R3HDM4: variants seen among roughly 807,000 people sequenced by gnomAD.
R3HDM4 encodes R3H domain-containing protein 4.
In R3HDM4, 30 loss-of-function variants were observed where a neutral mutation model predicts 31.3. The ratio of observed to expected loss-of-function variants is 0.96; its 90% CI spans 0.72 to 1.30. The LOEUF (loss-of-function observed/expected upper bound fraction) is 1.30, where lower values mean the gene tolerates loss of function less well. Among genes scored for constraint, R3HDM4 ranks in the 50% most tolerant of loss-of-function variants. R3HDM4 has a pLI of 0.00. For missense variants in R3HDM4, 444 were observed against 366.1 expected, an observed-to-expected ratio of 1.21 and a Z score of -1.74; for synonymous variants, 196 against 156.6, an observed-to-expected ratio of 1.25 and a Z score of -1.88.
rs748992610 is a variant in R3HDM4 at position 899,204 on chromosome 19, G to A, written c.703+236C>T. 2.6e-5 allele frequency among the ~76,000 whole-genome samples: 4 copies of A among 152,092 alleles called. No individual in the cohort carries two copies. The highest frequency in any genetic ancestry group is 9.7e-5 in the African/African-American group (4 of 41,396). ...AAGATGCAGATGGAGGAGTGTCTGT[G>A]TCCAGCAGCCTGGTTGTGTCTGCGG... On this transcript the variant is annotated intron_variant, in intron 7 of 7. Coordinates refer to ENST00000361574, the MANE Select transcript of R3HDM4 (RefSeq NM_138774.4). The surrounding 1 kb of genome is among the most constrained non-coding windows in gnomAD (Gnocchi z 6.8).
intron 3 of R3HDM4, 172 bp from the exon 4 acceptor site, chr19:901,124 GGGGAACC>G (rs988364114): frequency 1.6e-5 from 14 of 870,306 alleles, no homozygotes; most frequent in Non-Finnish European, 2.2e-5. Flanking sequence ...GCAGGGAAGC[GGGGAACC>G]GGGGTGGGCC....
Position 901,988 on chromosome 19 carries a change from GC to G in R3HDM4, c.213del (p.Gln71HisfsTer10). The G allele has an allele frequency of 6.2e-7, 1 of 1,613,696 alleles. No homozygotes were observed. The highest frequency in any genetic ancestry group is 1.3e-5 in the African/African-American group (1 of 75,054). On this transcript the variant is annotated frameshift_variant, in exon 2 of 8. Transcript: ENST00000361574. LOFTEE classifies it high-confidence loss of function. ...VPKAKGRKSLQRLENTQYLLT... is the reference protein window; with the variant it reads ...VPKAKGRKSLXRLENTQYLLT... ...GACCCCTGCTCACTGTTCTCCAGGC[GC>G]TGGAGGCTCTTCCGCCCCTTGGCCT...
At chr19:900,168 G>T in intron 4 of R3HDM4, 22 bp from the exon 5 acceptor site, 1 of 1,540,526 alleles carries the variant, frequency 6.5e-7, no homozygotes, top group Non-Finnish European at 8.8e-7. Flanking sequence ...GGGGAACAAG[G>T]GGCAGTCTTG....
chr19:910,196 A>C (rs2145303382), intron 1 of R3HDM4, among the ~76,000 whole-genome samples: 1 of 152,156 alleles, frequency 6.6e-6, no homozygotes, highest in African/African-American at 2.4e-5. Context: ...GCGGTGGCAC[A>C]TGCCTGTAAT....
intron 1 of R3HDM4, among the ~76,000 whole-genome samples, chr19:906,198 A>C (rs1431451136): frequency 1.1e-5 from 1 of 91,094 alleles, no homozygotes; most frequent in South Asian, 3.4e-4. Flanking sequence ...CTAATTTTTT[A>C]TTTATTTTTA....
chr19:899,336 C>A lies in R3HDM4; in HGVS notation c.703+104G>T. 2 of 1,213,310 alleles carry A rather than the reference C, an allele frequency of 1.6e-6. No homozygotes were observed. The highest frequency in any genetic ancestry group is 2.4e-6 in the Non-Finnish European group (2 of 829,878). The allele number at this position is 1,213,310 out of a possible 1,614,324, so 75.2% of individuals were successfully genotyped here. A position where few individuals can be genotyped will look rare whatever the true frequency, so the allele number is the denominator to read the frequency against. On this transcript the variant is annotated intron_variant, in intron 7 of 7. Coordinates refer to ENST00000361574, the MANE Select transcript of R3HDM4 (RefSeq NM_138774.4). This position sits in a 1 kb window ranked among gnomAD's most constrained non-coding sequence, Gnocchi z 6.8. ...GTCCCCACTCCAGCCCCCTTCCCCA[C>A]CTCCCCACCAAGCCCCACTCTGAGG...
rs774894246 is a variant in R3HDM4, at chr19:897,568, C to T, written c.704-28G>A. ...GCAGACGGGACCAGCGGGGCAAGAA[C>T]GGGAGGAATTTGGGAGCCGCGGCAG... On this transcript the variant is annotated intron_variant, in intron 7 of 7. Coordinates refer to ENST00000361574, the MANE Select transcript of R3HDM4 (RefSeq NM_138774.4). 18 of 1,577,216 alleles carry T rather than the reference C, an allele frequency of 1.1e-5. No homozygotes were observed. In the East Asian group the frequency reaches 1.8e-4, roughly 16 times the overall value.
chr19:911,882 C>G (rs889101431), intron 1 of R3HDM4, among the ~76,000 whole-genome samples: 1 of 151,870 alleles, frequency 6.6e-6, no homozygotes, highest in African/African-American at 2.4e-5. Flanking sequence ...GAGCAAGGAG[C>G]CGGGTCTGCC....
intron 2 of R3HDM4, 82 bp downstream of exon 2, chr19:901,894 A>C: frequency 6.6e-7 from 1 of 1,515,002 alleles, no homozygotes; most frequent in Admixed American, 1.7e-5. Flanking sequence ...AGCTCATGGG[A>C]GGGGTAACAG....
rs2036794855 is a variant in R3HDM4 at position 899,538 on chromosome 19, TGGGGTGTCCGCCCA to T, written c.647+49_648-44del. The T allele has an allele frequency of 1.2e-6, 2 of 1,612,592 alleles. No individual in the cohort carries two copies. Among genetic ancestry groups the T allele is most frequent in the African/African-American group, 1.3e-5 (1 of 75,002 alleles). On this transcript the variant is annotated intron_variant, in intron 6 of 7. Transcript: ENST00000361574. The surrounding 1 kb of genome is among the most constrained non-coding windows in gnomAD (Gnocchi z 6.8). ...TGAGCGCCGTGCAGGGGCTGCAGCG[TGGGGTGTCCGCCCA>T]CCTGGCCGCAGCCTCGGAGGGTCCG...
intron 1 of R3HDM4, among the ~76,000 whole-genome samples, chr19:912,633 C>A (rs1275344588): frequency 1.6e-5 from 1 of 64,274 alleles, no homozygotes; most frequent in African/African-American, 6.6e-5. Context: ...GGGCGCGGAC[C>A]GGAGAGTGGG....
Position 899,410 on chromosome 19 carries a change from C to A in R3HDM4, c.703+30G>T, listed in dbSNP as rs370027345. On this transcript the variant is annotated intron_variant, in intron 7 of 7. Transcript: ENST00000361574. The surrounding 1 kb of genome is among the most constrained non-coding windows in gnomAD (Gnocchi z 6.8). ...CACTTTCCCAGGTTGAGCTGGCCAA[C>A]TTGGGGTCTTGGGGGCCACCGGCAC... 2.1e-5 allele frequency: 34 copies of A among 1,612,610 alleles called. No homozygotes were observed. In the African/African-American group the frequency reaches 4.1e-4, roughly 20 times the overall value.
In R3HDM4 at chr19:900,053, C is replaced by A; in HGVS notation, c.561+8G>T. 6.2e-7 allele frequency: 1 copy of A among 1,611,706 alleles called. No individual in the cohort carries two copies. The highest frequency in any genetic ancestry group is 8.5e-7 in the Non-Finnish European group (1 of 1,179,144). The stretch of plus-strand genomic sequence containing the variant: ...TAGAAAAGGGAGGCCCGGCAATCCC[C>A]CACTCACCATGGGGATGCGGCTGCG... On this transcript the variant is annotated splice_region_variant and intron_variant, in intron 5 of 7. Coordinates refer to ENST00000361574, the MANE Select transcript of R3HDM4 (RefSeq NM_138774.4).
intron 1 of R3HDM4, among the ~76,000 whole-genome samples, chr19:905,516 A>C (rs1013984012): frequency 2.5e-4 from 38 of 149,924 alleles, no homozygotes; most frequent in African/African-American, 8.4e-4. Context: ...AAAAAAAAAA[A>C]AAAAAACAAA....
chr19:912,458 G>T (rs1191698224), intron 1 of R3HDM4, among the ~76,000 whole-genome samples: 1 of 116,504 alleles, frequency 8.6e-6, no homozygotes, highest in African/African-American at 3.5e-5. Flanking sequence ...GGAGTTGGGG[G>T]GCTGACCCGA....
In R3HDM4 at chr19:912,538, G is replaced by A. The variant is rs350155; in HGVS notation, c.71+549C>T. 6.5e-5 allele frequency among the ~76,000 whole-genome samples: 5 copies of A among 77,382 alleles called. 1 individual carries two copies. In the South Asian group the frequency reaches 2.8e-3, roughly 43 times the overall value. 50.8% of individuals were successfully genotyped at this position (77,382 alleles called of 152,430 possible). On this transcript the variant is annotated intron_variant, in intron 1 of 7. Transcript: ENST00000361574. ...GTGGGGGGGTGGAGCAGGGAGTGGG[G>A]GGACGGACCCAGGAGTGGGGGCGTG...
At chr19:911,228 G>A (rs749108601) in intron 1 of R3HDM4, among the ~76,000 whole-genome samples, 3 of 152,220 alleles carry the variant, frequency 2.0e-5, no homozygotes, top group Non-Finnish European at 4.4e-5. Context: ...AGCAGATCGT[G>A]AGGTCAGGAA....
Position 912,891 on chromosome 19 carries a change from G to A in R3HDM4, c.71+196C>T, listed in dbSNP as rs116367143. On this transcript the variant is annotated intron_variant, in intron 1 of 7. Transcript: ENST00000361574. ...AGTAACAATGAAGACCCCCCACCCAGCCTGGGGGTCCACAGCGGGCGAGAA... is the reference window on the plus strand; with the variant it reads ...AGTAACAATGAAGACCCCCCACCCAACCTGGGGGTCCACAGCGGGCGAGAA... Among the ~76,000 whole-genome samples, 1,438 of 151,892 alleles carry A rather than the reference G, an allele frequency of 9.5e-3. 21 individuals carry two copies. Among genetic ancestry groups the A allele is most frequent in the East Asian group, 0.048 (248 of 5,152 alleles).
chr19:900,003 G>C (rs372127843), intron 5 of R3HDM4, 58 bp downstream of exon 5: 1 of 1,516,588 alleles, frequency 6.6e-7, no homozygotes, highest in Non-Finnish European at 9.1e-7. Flanking sequence ...CCTGGGAAAC[G>C]GGCCTTCAAA....
Sources: gnomAD v4.1 joint callset for allele counts (sites outside exome capture counted in the v4.1 genomes callset) on GRCh38, gnomAD v4.1.1 for gene constraint, Gnocchi (gnomAD v3.1) non-coding constraint, MANE v1.5 for transcripts, NCBI Gene and HGNC (gene_info 2026-07-23, HGNC 2026-07-21) for gene names.